SLC26A8: variants seen among roughly 807,000 people sequenced by gnomAD.
SLC26A8 encodes testis anion transporter 1.
A neutral mutation model predicts 105.0 loss-of-function variants in SLC26A8; 70 were observed. That is an observed-to-expected ratio of 0.67 (90% CI 0.55 to 0.81). The LOEUF (loss-of-function observed/expected upper bound fraction) is 0.81, where lower values mean the gene tolerates loss of function less well. Among genes scored for constraint, SLC26A8 ranks in the 40% least tolerant of loss-of-function variants. The pLI, the probability that SLC26A8 is intolerant of heterozygous loss-of-function variation, is 0.00. For missense variants in SLC26A8, 998 were observed against 1,181.8 expected (o/e 0.84, Z 2.28); for synonymous variants, 415 against 438.3 (o/e 0.95, Z 0.66).
intron 3 of SLC26A8, among the ~76,000 whole-genome samples, chr6:36,004,941 C>T (rs562497894): frequency 6.6e-6 from 1 of 150,810 alleles, no homozygotes; most frequent in Non-Finnish European, 1.5e-5. Context: ...GCTGGGATTA[C>T]AGGCATGAGT....
Position 36,019,451 on chromosome 6 carries a change from C to T in SLC26A8, c.188+69G>A. The stretch of plus-strand genomic sequence containing the variant: ...ACTCAGACAAGAAAGAGAAACGGAC[C>T]CCAAAGGAGTCAGGTTAGGTTTCAG... On this transcript the variant is annotated intron_variant, in intron 2 of 19. Coordinates refer to ENST00000490799, the MANE Select transcript of SLC26A8 (RefSeq NM_052961.4). 3 of 1,453,974 alleles carry T rather than the reference C, an allele frequency of 2.1e-6. 1 individual carries two copies. The South Asian group carries it at 4.1e-5, about 20-fold the overall frequency. The allele number at this position is 1,453,974 out of a possible 1,614,324, so 90.1% of individuals were successfully genotyped here.
At chr6:35,967,046 G>A (rs1772545312) in intron 11 of SLC26A8, among the ~76,000 whole-genome samples, 1 of 152,174 alleles carries the variant, frequency 6.6e-6, no homozygotes, top group Non-Finnish European at 1.5e-5. Flanking sequence ...TTCCAATAGT[G>A]ATAGCAACAA....
At chr6:35,974,856 C>A (rs572704060) in intron 10 of SLC26A8, among the ~76,000 whole-genome samples, 3 of 152,166 alleles carry the variant, frequency 2.0e-5, no homozygotes, top group Admixed American at 6.5e-5. Flanking sequence ...CCTGCGTCAG[C>A]CTCCTGGGTA....
At chr6:36,015,708 C>T (rs981916659) in intron 2 of SLC26A8, among the ~76,000 whole-genome samples, 3 of 152,160 alleles carry the variant, frequency 2.0e-5, no homozygotes, top group Admixed American at 2.0e-4. Flanking sequence ...ACATGTCCCC[C>T]GATCCATCAT....
rs1159490675 is a variant in SLC26A8, at chr6:35,943,817, A to G, written c.*83T>C. On this transcript the variant is annotated 3_prime_UTR_variant, in exon 20 of 20. Transcript: ENST00000490799. ...AAGGAAGTACTGCTAGTTCGTATCC[A>G]GTCTAGGTCTCTGGACAATTGACCC... 1 of 1,540,248 alleles carries G rather than the reference A, an allele frequency of 6.5e-7. No individual in the cohort carries two copies. Among genetic ancestry groups the G allele is most frequent in the South Asian group, 1.3e-5 (1 of 78,780 alleles).
intron 7 of SLC26A8, chr6:35,989,416 CAAT>C (rs1773662345): frequency 6.6e-6 from 1 of 152,180 alleles, no homozygotes; most frequent in Admixed American, 6.6e-5. Context: ...GTTGTACACA[CAAT>C]GTGTGTGTGT....
At chr6:36,024,175 T>C (rs1163803180) in intron 1 of SLC26A8, among the ~76,000 whole-genome samples, 1 of 151,616 alleles carries the variant, frequency 6.6e-6, no homozygotes, top group Non-Finnish European at 1.5e-5. Context: ...CAGGAGGAAA[T>C]GGATGGGGTA....
intron 2 of SLC26A8, among the ~76,000 whole-genome samples, chr6:36,017,065 G>A (rs903595069): frequency 4.0e-5 from 6 of 151,844 alleles, no homozygotes; most frequent in Non-Finnish European, 7.4e-5. Context: ...CCAGATACTC[G>A]GGAGATGAGG....
At chr6:36,012,810 T>C (rs932487442) in intron 2 of SLC26A8, among the ~76,000 whole-genome samples, 6 of 152,196 alleles carry the variant, frequency 3.9e-5, no homozygotes, top group African/African-American at 1.4e-4. Flanking sequence ...AGTAGAAAAA[T>C]GGACTGCTGT....
chr6:36,019,737 A>T, intron 1 of SLC26A8, 28 bp from the exon 2 acceptor site: 1 of 1,572,522 alleles, frequency 6.4e-7, no homozygotes, highest in South Asian at 1.2e-5. Context: ...GAGCAAATAA[A>T]AGAGCATTTT....
At chr6:36,019,456 A>G in intron 2 of SLC26A8, 64 bp downstream of exon 2, 1 of 1,482,488 alleles carries the variant, frequency 6.7e-7, no homozygotes, top group Non-Finnish European at 9.1e-7. Flanking sequence ...CGGACCCCAA[A>G]GGAGTCAGGT....
At chr6:35,962,182 C>T (rs528306343) in intron 12 of SLC26A8, among the ~76,000 whole-genome samples, 139 of 150,372 alleles carry the variant, frequency 9.2e-4, no homozygotes, top group Non-Finnish European at 1.3e-3. Flanking sequence ...GCTGAGATCA[C>T]GCCACTGCAC....
At chr6:35,993,502 G>A (rs1190155808) in intron 5 of SLC26A8, among the ~76,000 whole-genome samples, 1 of 151,742 alleles carries the variant, frequency 6.6e-6, no homozygotes, top group Non-Finnish European at 1.5e-5. Flanking sequence ...ATGTTTTCAG[G>A]ATTATGCATA....
At chr6:35,986,900 T>C (rs954365405) in intron 7 of SLC26A8, among the ~76,000 whole-genome samples, 2 of 152,238 alleles carry the variant, frequency 1.3e-5, no homozygotes, top group Non-Finnish European at 2.9e-5. Flanking sequence ...TTCCGTATCT[T>C]AGGTCTTTTA....
chr6:35,950,576 C>G (rs1771835063), intron 19 of SLC26A8, among the ~76,000 whole-genome samples: 1 of 152,038 alleles, frequency 6.6e-6, no homozygotes, highest in Admixed American at 6.6e-5. Context: ...TGAGCCATCG[C>G]ACTCAGCCAG....
intron 7 of SLC26A8, among the ~76,000 whole-genome samples, chr6:35,985,498 T>C (rs150680431): frequency 1.3e-5 from 2 of 151,522 alleles, no homozygotes; most frequent in Admixed American, 6.6e-5. Flanking sequence ...ATCGAGACCA[T>C]CCTGGCCAAC....
At chr6:35,954,998 C>T in intron 17 of SLC26A8, 154 bp downstream of exon 17, 1 of 804,820 alleles carries the variant, frequency 1.2e-6, no homozygotes, top group South Asian at 1.6e-5. Context: ...TTTGATTGAC[C>T]TTATATTGTA....
intron 11 of SLC26A8, 23 bp from the exon 12 acceptor site, chr6:35,962,644 G>A: frequency 1.9e-6 from 3 of 1,609,394 alleles, no homozygotes; most frequent in Non-Finnish European, 2.6e-6. Flanking sequence ...GATAAATCAT[G>A]GTTCATTTTC....
chr6:35,968,643 ATATATATATATC>A (rs1320112729), intron 11 of SLC26A8, among the ~76,000 whole-genome samples: 1 of 103,546 alleles, frequency 9.7e-6, no homozygotes, highest in Non-Finnish European at 1.8e-5. Context: ...ATATATATAT[ATATATATATATC>A]TCACATCATT....
Sources: gnomAD v4.1 joint callset for allele counts (sites outside exome capture counted in the v4.1 genomes callset) on GRCh38, gnomAD v4.1.1 for gene constraint, MANE v1.5 for transcripts, NCBI Gene and HGNC (gene_info 2026-07-23, HGNC 2026-07-21) for gene names.